The following LOC400499 variants were observed in gnomAD, a reference collection of about 807,000 sequenced individuals.
At chr16:11,487,997 G>C in the LOC400499 span, among the ~76,000 whole-genome samples, 1 of 151,826 alleles carries the variant, frequency 6.6e-6, no homozygotes, top group Non-Finnish European at 1.5e-5. Context: ...CGCGCCTGTA[G>C]TCCCAGCTAC....
chr16:11,515,716 AAGGAGGAGGAAAAGGGAGG>A, the LOC400499 span, among the ~76,000 whole-genome samples: 406 of 87,164 alleles, frequency 4.7e-3, 2 homozygotes, highest in African/African-American at 0.015. Context: ...AGGGAGGAGG[AAGGAGGAGGAAAAGGGAGG>A]AGGAGGAGGA....
the LOC400499 span, chr16:11,448,218 C>T: frequency 8.5e-5 from 84 of 992,038 alleles, no homozygotes; most frequent in East Asian, 2.3e-3. Flanking sequence ...TGAACTGAGC[C>T]ACAGCCTCCA....
the LOC400499 span, chr16:11,384,064 G>T: frequency 1.6e-6 from 2 of 1,231,514 alleles, no homozygotes; most frequent in Non-Finnish European, 2.0e-6. Context: ...GCTCCCCCGC[G>T]TACACTGGCC....
the LOC400499 span, chr16:11,467,246 C>G: frequency 6.6e-6 from 1 of 150,920 alleles, no homozygotes; most frequent in Non-Finnish European, 1.5e-5. Context: ...AGCCACGGCG[C>G]CCAGCTGCCA....
At chr16:11,483,454 G>C in the LOC400499 span, among the ~76,000 whole-genome samples, 2 of 152,080 alleles carry the variant, frequency 1.3e-5, no homozygotes, top group Admixed American at 1.3e-4. Flanking sequence ...CTATACAATG[G>C]AATACCATTA....
At chr16:11,425,105 G>A in the LOC400499 span, 1 of 398,996 alleles carries the variant, frequency 2.5e-6, no homozygotes, top group Non-Finnish European at 4.4e-6. Flanking sequence ...AAGCTGTTCT[G>A]CCTGGACCAC....
chr16:11,504,556 C>T, the LOC400499 span, among the ~76,000 whole-genome samples: 1 of 150,424 alleles, frequency 6.6e-6, no homozygotes, highest in African/African-American at 2.5e-5. Context: ...ACTCCGTCCC[C>T]CCCCCCAAAA....
the LOC400499 span, among the ~76,000 whole-genome samples, chr16:11,420,836 C>A: frequency 6.6e-6 from 1 of 152,184 alleles, no homozygotes; most frequent in South Asian, 2.1e-4. Flanking sequence ...CATTTTAACG[C>A]CCTCCCCGAT....
chr16:11,427,049 G>A, the LOC400499 span, among the ~76,000 whole-genome samples: 2 of 151,038 alleles, frequency 1.3e-5, no homozygotes, highest in African/African-American at 4.9e-5. Flanking sequence ...AGCTACACGA[G>A]CAAATAACAC....
chr16:11,459,762 GAA>G, the LOC400499 span: 7 of 915,926 alleles, frequency 7.6e-6, no homozygotes, highest in East Asian at 2.3e-4. Context: ...ATGCAAAAGG[GAA>G]AGTCACCAAG....
At chr16:11,507,327 T>C in the LOC400499 span, among the ~76,000 whole-genome samples, 1 of 152,036 alleles carries the variant, frequency 6.6e-6, no homozygotes, top group Non-Finnish European at 1.5e-5. Flanking sequence ...AGGCCAGAGA[T>C]GCTGCTAAAC....
the LOC400499 span, chr16:11,401,188 G>C: frequency 2.5e-6 from 1 of 398,716 alleles, no homozygotes; most frequent in Non-Finnish European, 4.4e-6. Flanking sequence ...CCTACCAGAG[G>C]TGCCCAGCCC....
chr16:11,372,728 A>G, the LOC400499 span: 3 of 983,822 alleles, frequency 3.0e-6, no homozygotes, highest in Non-Finnish European at 3.6e-6. Flanking sequence ...TGGCATAGAC[A>G]AAATCTCAAA....
chr16:11,382,241 C>G, the LOC400499 span, among the ~76,000 whole-genome samples: 11 of 152,290 alleles, frequency 7.2e-5, no homozygotes, highest in African/African-American at 2.6e-4. Context: ...CCCGGCATTT[C>G]TTTTAGACAT....
chr16:11,500,668 G>T, the LOC400499 span: 1 of 396,796 alleles, frequency 2.5e-6, no homozygotes, highest in Non-Finnish European at 4.4e-6. Flanking sequence ...AAGCCCAGGA[G>T]GATGGGTGGT....
At chr16:11,457,067 C>G in the LOC400499 span, 2 of 1,493,590 alleles carry the variant, frequency 1.3e-6, no homozygotes, top group Non-Finnish European at 1.8e-6. Flanking sequence ...CCCCAAGATG[C>G]CAATGGGATC....
chr16:11,526,186 G>A, the LOC400499 span, among the ~76,000 whole-genome samples: 3 of 152,198 alleles, frequency 2.0e-5, no homozygotes, highest in Non-Finnish European at 4.4e-5. Context: ...TCTCCAGTAT[G>A]TGGCTATGAA....
At chr16:11,461,073 C>T in the LOC400499 span, 80 of 1,536,102 alleles carry the variant, frequency 5.2e-5, no homozygotes, top group East Asian at 1.0e-3. Context: ...GCTCGGCACC[C>T]AGGGCGGCCA....
chr16:11,459,409 G>A, the LOC400499 span, among the ~76,000 whole-genome samples: 6 of 151,880 alleles, frequency 4.0e-5, no homozygotes, highest in Non-Finnish European at 7.4e-5. Flanking sequence ...TGTTAGCCAG[G>A]ATGGTCTCGA....
Sources: allele counts gnomAD v4.1 joint callset (sites outside exome capture counted in the v4.1 genomes callset), GRCh38; gene constraint gnomAD v4.1.1; transcripts MANE v1.5.